CSMD1: variants seen among roughly 807,000 people sequenced by gnomAD.
CSMD1 encodes CUB and sushi domain-containing protein 1.
In CSMD1, 213 loss-of-function variants were observed where a neutral mutation model predicts 417.5. The ratio of observed to expected loss-of-function variants is 0.51; its 90% CI spans 0.46 to 0.57. The LOEUF is 0.57. Among genes scored for constraint, CSMD1 ranks in the 20% least tolerant of loss-of-function variants. CSMD1 has a pLI of 0.00. For missense variants in CSMD1, 6,923 were observed against 4,529.7 expected (o/e 1.53, Z -15.17); for synonymous variants, 2,862 against 1,736.8 (o/e 1.65, Z -16.11).
At chr8:4,882,588 A>C (rs1473506504) in intron 1 of CSMD1, among the ~76,000 whole-genome samples, 1 of 151,836 alleles carries the variant, frequency 6.6e-6, no homozygotes. Flanking sequence ...ATTCAACCCC[A>C]AGCATAGAGA....
chr8:4,858,310 A>T (rs1393355244), intron 1 of CSMD1, among the ~76,000 whole-genome samples: 1 of 151,816 alleles, frequency 6.6e-6, no homozygotes, highest in Non-Finnish European at 1.5e-5. Context: ...CCAATATCAT[A>T]CTGAATGGGC....
chr8:4,963,070 G>C (rs1809613259), intron 1 of CSMD1, among the ~76,000 whole-genome samples: 1 of 152,138 alleles, frequency 6.6e-6, no homozygotes, highest in Non-Finnish European at 1.5e-5. Context: ...CAGGAGCTCA[G>C]GTGTTATGCC....
In CSMD1 at chr8:4,070,583, T is replaced by A. The variant is rs181502111; in HGVS notation, c.416-38484A>T. 5.1e-3 allele frequency among the ~76,000 whole-genome samples: 779 copies of A among 152,224 alleles called. 7 individuals are homozygous for A. The highest frequency in any genetic ancestry group is 0.018 in the African/African-American group (741 of 41,546). On this transcript the variant is annotated intron_variant, in intron 3 of 69. Coordinates refer to ENST00000635120, the MANE Select transcript of CSMD1 (RefSeq NM_033225.6). ...CGTGTTAGCCAGGATGGTCTCGTTC[T>A]CCTGACCTCGTGATCCACCCACCTC...
At chr8:3,246,376 C>T (rs1407038061) in intron 26 of CSMD1, among the ~76,000 whole-genome samples, 8 of 152,192 alleles carry the variant, frequency 5.3e-5, no homozygotes, top group South Asian at 2.1e-4. Flanking sequence ...CCTGAAATGC[C>T]AGTTTCTCCT....
chr8:4,947,281 A>C, intron 1 of CSMD1, among the ~76,000 whole-genome samples: 1 of 152,220 alleles, frequency 6.6e-6, no homozygotes, highest in East Asian at 1.9e-4. Context: ...TAATAAACTC[A>C]GGAAACCTAT....
At chr8:4,929,068 T>C (rs778465223) in intron 1 of CSMD1, among the ~76,000 whole-genome samples, 11 of 152,034 alleles carry the variant, frequency 7.2e-5, no homozygotes, top group Non-Finnish European at 1.3e-4. Context: ...TGACACTCTA[T>C]CTAAACAACA....
At chr8:4,459,318 C>T (rs1043198212) in intron 2 of CSMD1, among the ~76,000 whole-genome samples, 51 of 152,162 alleles carry the variant, frequency 3.4e-4, no homozygotes, top group African/African-American at 1.2e-3. Context: ...AGGTTCTATG[C>T]CACCAGGAGC....
rs778032244 is a variant in CSMD1, at chr8:4,046,935, T to C, written c.416-14836A>G. Among the ~76,000 whole-genome samples, 62 of 152,138 alleles carry C rather than the reference T, an allele frequency of 4.1e-4. 1 individual carries two copies. The highest frequency in any genetic ancestry group is 4.1e-3 in the Admixed American group (62 of 15,260). On this transcript the variant is annotated intron_variant, in intron 3 of 69. Transcript: ENST00000635120. ...GAGAGGCTTATGGCCAAGAGGGAAC[T>C]TGAGTCCTAACTCCACCTTTGTCTC... is the stretch of plus-strand genomic sequence containing the variant.
intron 10 of CSMD1, among the ~76,000 whole-genome samples, chr8:3,543,325 G>A (rs1049125180): frequency 2.6e-5 from 4 of 152,192 alleles, no homozygotes; most frequent in Non-Finnish European, 5.9e-5. Flanking sequence ...GGAGTGAGGT[G>A]AAAAGTCACT....
At chr8:3,205,009 G>A (rs1271056710) in intron 31 of CSMD1, among the ~76,000 whole-genome samples, 1 of 152,198 alleles carries the variant, frequency 6.6e-6, no homozygotes. Flanking sequence ...CAGGAAGTCA[G>A]GGTTCAGCAG....
At chr8:4,565,015 G>A (rs1478069153) in intron 2 of CSMD1, among the ~76,000 whole-genome samples, 2 of 152,276 alleles carry the variant, frequency 1.3e-5, no homozygotes, top group East Asian at 3.9e-4. Context: ...AATGATAGAT[G>A]TCTGTCATCT....
intron 2 of CSMD1, among the ~76,000 whole-genome samples, chr8:4,530,314 CTT>C (rs759268228): frequency 0.01 from 487 of 46,584 alleles, 1 homozygote; most frequent in Non-Finnish European, 0.012. Flanking sequence ...ACAGGTAGTG[CTT>C]TTTTTTTTTT....
At chr8:3,988,857 T>G (rs964396785) in intron 5 of CSMD1, among the ~76,000 whole-genome samples, 5 of 152,212 alleles carry the variant, frequency 3.3e-5, no homozygotes, top group Non-Finnish European at 5.9e-5. Flanking sequence ...AAAGTGATAT[T>G]ATTACTGTTG....
intron 1 of CSMD1, among the ~76,000 whole-genome samples, chr8:4,868,304 G>T (rs1380739587): frequency 2.0e-5 from 3 of 151,982 alleles, no homozygotes; most frequent in Non-Finnish European, 4.4e-5. Context: ...CGCGATCTCG[G>T]CTCAGTGAAA....
At chr8:3,904,132 T>G (rs374032409) in intron 5 of CSMD1, among the ~76,000 whole-genome samples, 19 of 152,298 alleles carry the variant, frequency 1.2e-4, no homozygotes, top group African/African-American at 4.6e-4. Context: ...GCCTTGTAAT[T>G]ATATTTGGAT....
Position 4,985,372 on chromosome 8 carries a change from G to GT in CSMD1, c.85+8959dup, listed in dbSNP as rs33939777. Among the ~76,000 whole-genome samples the GT allele has an allele frequency of 2.6e-3, 335 of 126,848 alleles. 2 individuals are homozygous for GT. The highest frequency in any genetic ancestry group is 0.019 in the Middle Eastern group (5 of 258). 83.2% of individuals were successfully genotyped at this position (126,848 alleles called of 152,430 possible). On this transcript the variant is annotated intron_variant, in intron 1 of 69. Coordinates refer to ENST00000635120, the MANE Select transcript of CSMD1 (RefSeq NM_033225.6). ...TGCACATCTGCCCTGGAACTTAAAA[G>GT]TTTTTTTTAAAAAAAAATGTGGTGT...
intron 30 of CSMD1, among the ~76,000 whole-genome samples, chr8:3,211,934 G>A (rs924702812): frequency 3.9e-5 from 6 of 152,162 alleles, no homozygotes; most frequent in Admixed American, 2.0e-4. Flanking sequence ...GTGGAGGTGT[G>A]GCCCACCCTG....
At chr8:3,786,428 A>G (rs1563078219) in intron 5 of CSMD1, among the ~76,000 whole-genome samples, 1 of 152,134 alleles carries the variant, frequency 6.6e-6, no homozygotes, top group African/African-American at 2.4e-5. Context: ...CCACAAAAGT[A>G]CGAGAGAAAG....
At chr8:4,736,082 A>C (rs1810215120) in intron 1 of CSMD1, among the ~76,000 whole-genome samples, 1 of 152,050 alleles carries the variant, frequency 6.6e-6, no homozygotes, top group Non-Finnish European at 1.5e-5. Flanking sequence ...AATATGCCTG[A>C]TTTTCATTGG....
Sources: allele counts gnomAD v4.1 joint callset (sites outside exome capture counted in the v4.1 genomes callset), GRCh38; gene constraint gnomAD v4.1.1; transcripts MANE v1.5; gene names NCBI Gene and HGNC (gene_info 2026-07-23, HGNC 2026-07-21).